ALK: variants seen among roughly 807,000 people sequenced by gnomAD.
The protein encoded by ALK is ALK receptor tyrosine kinase.
Under a neutral mutation model 163.1 loss-of-function variants are expected in ALK, and 74 were observed. The ratio of observed to expected loss-of-function variants is 0.45; its 90% CI spans 0.38 to 0.55. ALK has a LOEUF of 0.55. Among genes scored for constraint, ALK ranks in the 20% least tolerant of loss-of-function variants. ALK has a pLI of 0.00. For synonymous variants in ALK, 960 were observed against 843.2 expected, an observed-to-expected ratio of 1.14 and a Z score of -2.40; for missense variants, 2,063 against 2,105.3, an observed-to-expected ratio of 0.98 and a Z score of 0.39.
At chr2:29,783,202 T>G (rs1233235188) in intron 1 of ALK, among the ~76,000 whole-genome samples, 3 of 152,220 alleles carry the variant, frequency 2.0e-5, no homozygotes, top group Non-Finnish European at 4.4e-5. Flanking sequence ...CCCCCCTTTG[T>G]GATGGATCAT....
rs541518437 is a variant in ALK at position 29,538,213 on chromosome 2, A to G, written c.953-6097T>C. On this transcript the variant is annotated intron_variant, in intron 3 of 28. Transcript: ENST00000389048. ...TTGGGGGGGGCAGGGGTGAAATAAT[A>G]TGGTTTGGATGTGTTTGTCCCTCCA... 2.0e-5 allele frequency among the ~76,000 whole-genome samples: 3 copies of G among 152,196 alleles called. No individual in the cohort carries two copies. The South Asian group carries it at 6.2e-4, about 32-fold the overall frequency.
chr2:29,580,189 A>G (rs1475116347), intron 3 of ALK, among the ~76,000 whole-genome samples: 2 of 152,144 alleles, frequency 1.3e-5, no homozygotes, highest in African/African-American at 2.4e-5. Context: ...GTTTTTTATG[A>G]AAGTCCAACC....
In ALK at chr2:29,203,485, C is replaced by CTTTTT. The variant is rs1156462365; in HGVS notation, c.3938+3681_3938+3685dup. 3.7e-3 allele frequency among the ~76,000 whole-genome samples: 119 copies of CTTTTT among 32,540 alleles called. 53 individuals are homozygous for CTTTTT. Among genetic ancestry groups the CTTTTT allele is most frequent in the African/African-American group, 0.012 (100 of 8,170 alleles). 21.3% of individuals were successfully genotyped at this position (32,540 alleles called of 152,430 possible). A position where few individuals can be genotyped will look rare whatever the true frequency, so the allele number is the denominator to read the frequency against. ...TATCACCATTGGCCTGAGGATGTGC[C>CTTTTT]TTTTTTTTTTTTTTTTTTTTTTTTT... On this transcript the variant is annotated intron_variant, in intron 26 of 28. Coordinates refer to ENST00000389048, the MANE Select transcript of ALK (RefSeq NM_004304.5).
Position 29,243,724 on chromosome 2 carries a change from A to T in ALK, c.2205-3894T>A, listed in dbSNP as rs528610540. On this transcript the variant is annotated intron_variant, in intron 12 of 28. Transcript: ENST00000389048. ...TTACACAAACTCATGCTATGATAAT[A>T]GCCTCAGCCTGTCTCTCTGAAGCTT... Among the ~76,000 whole-genome samples, 12 of 152,332 alleles carry T rather than the reference A, an allele frequency of 7.9e-5. No individual in the cohort carries two copies. The East Asian group carries it at 2.3e-3, about 29-fold the overall frequency.
At chr2:29,383,882 G>C (rs762877040) in intron 4 of ALK, 23 bp from the exon 5 acceptor site, 1 of 1,613,930 alleles carries the variant, frequency 6.2e-7, no homozygotes, top group African/African-American at 1.3e-5. Context: ...GAAAACAGAG[G>C]AGAAAAGCAT....
intron 4 of ALK, among the ~76,000 whole-genome samples, chr2:29,387,060 T>C (rs1669048606): frequency 6.6e-6 from 1 of 152,158 alleles, no homozygotes; most frequent in South Asian, 2.1e-4. Context: ...GTACAGCTGG[T>C]TCCATGTGTT....
intron 9 of ALK, 119 bp downstream of exon 9, chr2:29,296,769 G>T: frequency 8.3e-7 from 1 of 1,199,696 alleles, no homozygotes; most frequent in Non-Finnish European, 1.2e-6. Context: ...ACATATCGGT[G>T]TGTGGGCACA....
chr2:29,676,371 G>T (rs550308522), intron 3 of ALK, among the ~76,000 whole-genome samples: 2 of 152,042 alleles, frequency 1.3e-5, no homozygotes, highest in African/African-American at 4.8e-5. Context: ...TGTATGGTAT[G>T]AGGTCATATT....
chr2:29,487,137 A>G (rs547950677), intron 4 of ALK, among the ~76,000 whole-genome samples: 4 of 152,218 alleles, frequency 2.6e-5, no homozygotes, highest in Non-Finnish European at 5.9e-5. Context: ...GCGATACTCT[A>G]ACTTTCCGTC....
At chr2:29,854,022 G>A (rs1666076484) in intron 1 of ALK, among the ~76,000 whole-genome samples, 1 of 151,316 alleles carries the variant, frequency 6.6e-6, no homozygotes, top group African/African-American at 2.4e-5. Flanking sequence ...TGATTCTTCT[G>A]CCTCAGCCTC....
intron 3 of ALK, among the ~76,000 whole-genome samples, chr2:29,647,451 A>T (rs1676910894): frequency 6.6e-6 from 1 of 151,978 alleles, no homozygotes; most frequent in Admixed American, 6.6e-5. Flanking sequence ...TTCTCCCCTA[A>T]TTCCCACCTA....
chr2:29,653,789 C>T (rs1677100929), intron 3 of ALK, among the ~76,000 whole-genome samples: 1 of 152,116 alleles, frequency 6.6e-6, no homozygotes, highest in African/African-American at 2.4e-5. Context: ...GGACTGGGCA[C>T]AGTGGCTCAT....
chr2:29,616,203 C>A (rs1675841000), intron 3 of ALK, among the ~76,000 whole-genome samples: 1 of 152,174 alleles, frequency 6.6e-6, no homozygotes, highest in African/African-American at 2.4e-5. Flanking sequence ...TTGGAACCCC[C>A]AGGAGCTTTC....
intron 4 of ALK, among the ~76,000 whole-genome samples, chr2:29,440,318 A>ATTTC (rs780283356): frequency 0.37 from 31,103 of 82,950 alleles, 4,181 homozygotes; most frequent in Non-Finnish European, 0.44. Flanking sequence ...TGATGAATCA[A>ATTTC]TTTTTTTTTT....
intron 4 of ALK, among the ~76,000 whole-genome samples, chr2:29,524,018 G>A (rs955815040): frequency 1.3e-5 from 2 of 152,028 alleles, no homozygotes; most frequent in Non-Finnish European, 2.9e-5. Context: ...GCCCCAGGGA[G>A]GGTTGCACAT....
At chr2:29,905,056 A>G (rs1667503941) in intron 1 of ALK, among the ~76,000 whole-genome samples, 1 of 152,242 alleles carries the variant, frequency 6.6e-6, no homozygotes, top group South Asian at 2.1e-4. Context: ...AAAGGAGAGG[A>G]CATGTGGGTT....
chr2:29,519,662 C>T (rs1400497297), intron 4 of ALK, among the ~76,000 whole-genome samples: 1 of 152,076 alleles, frequency 6.6e-6, no homozygotes, highest in East Asian at 1.9e-4. Context: ...ACAAGTGAGG[C>T]TTTTTAGAAA....
At chr2:29,759,409 G>T (rs955976442) in intron 1 of ALK, among the ~76,000 whole-genome samples, 1 of 152,142 alleles carries the variant, frequency 6.6e-6, no homozygotes, top group Admixed American at 6.5e-5. Flanking sequence ...AGATCCCTGG[G>T]CATGCAAGTG....
chr2:29,238,474 G>C (rs764200346), intron 13 of ALK, among the ~76,000 whole-genome samples: 37 of 152,300 alleles, frequency 2.4e-4, no homozygotes, highest in Non-Finnish European at 3.8e-4. Context: ...TGGGATTACA[G>C]GCATGAACCA....
Sources: gnomAD v4.1 joint callset for allele counts (sites outside exome capture counted in the v4.1 genomes callset) on GRCh38, gnomAD v4.1.1 for gene constraint, MANE v1.5 for transcripts, NCBI Gene and HGNC (gene_info 2026-07-23, HGNC 2026-07-21) for gene names.